The following KCNJ10 variants were observed in gnomAD, a reference collection of about 807,000 sequenced individuals.
KCNJ10 encodes potassium inwardly rectifying channel subfamily J member 10.
KCNJ10 carries 9 observed loss-of-function variants against 22.2 expected under a neutral mutation model. That is an observed-to-expected ratio of 0.40 (90% CI 0.24 to 0.71). KCNJ10 has a LOEUF of 0.71. KCNJ10 is among the 30% of genes least tolerant of loss of function. The pLI is 0.35. For synonymous variants in KCNJ10, 184 were observed against 187.3 expected (o/e 0.98, Z 0.15); for missense variants, 337 against 482.7 (o/e 0.70, Z 2.83).
chr1:160,058,375 C>T (rs1164872808), intron 1 of KCNJ10, among the ~76,000 whole-genome samples: 3 of 152,180 alleles, frequency 2.0e-5, no homozygotes, highest in Non-Finnish European at 4.4e-5. Context: ...AACTGAGGCC[C>T]ACTGTGGGAG....
At chr1:160,054,966 A>G (rs1402351535) in intron 1 of KCNJ10, among the ~76,000 whole-genome samples, 1 of 152,126 alleles carries the variant, frequency 6.6e-6, no homozygotes, top group African/African-American at 2.4e-5. Context: ...TCTCCACCCC[A>G]TGCGGAAGAC....
At chr1:160,063,842 G>C (rs970853220) in intron 1 of KCNJ10, among the ~76,000 whole-genome samples, 4 of 152,254 alleles carry the variant, frequency 2.6e-5, no homozygotes, top group Admixed American at 6.5e-5. Flanking sequence ...TCAGGGGCAA[G>C]GCTCCGGAAT....
Position 160,042,426 on chromosome 1 carries a change from C to A in KCNJ10, c.107G>T (p.Arg36Leu), listed in dbSNP as rs779913708. ...RRRRVLTKDG[R>L]SNVRMEHIAD... ...AATGTGCTCCATTCTCACGTTGCTG[C>A]GACCATCTTTTGTCAGGACTCTCCG... The change falls in exon 2 of 2, where the codon CGC becomes CTC. Residue 36 changes from arginine to leucine, a missense_variant. This residue lies in a region of KCNJ10 where 107 missense variants were observed against 135.2 expected (regional missense o/e 0.79). Coordinates refer to ENST00000644903, the MANE Select transcript of KCNJ10 (RefSeq NM_002241.5). 1 of 1,614,198 alleles carries A rather than the reference C, an allele frequency of 6.2e-7. No individual in the cohort carries two copies. Among genetic ancestry groups the A allele is most frequent in the South Asian group, 1.1e-5 (1 of 91,076 alleles).
intron 1 of KCNJ10, among the ~76,000 whole-genome samples, chr1:160,066,647 A>G (rs1237460127): frequency 6.6e-6 from 1 of 152,190 alleles, no homozygotes; most frequent in African/African-American, 2.4e-5. Context: ...CCACAAAGTC[A>G]GACTCCAAGG....
intron 1 of KCNJ10, among the ~76,000 whole-genome samples, chr1:160,045,773 T>C (rs1462518340): frequency 1.3e-5 from 2 of 152,176 alleles, no homozygotes; most frequent in Non-Finnish European, 2.9e-5. Context: ...GGGAAGTTGA[T>C]TCAGGAGAAG....
rs552035856 is a variant in KCNJ10 at position 160,047,124 on chromosome 1, C to G, written c.1-4592G>C. 1.1e-4 allele frequency among the ~76,000 whole-genome samples: 16 copies of G among 152,264 alleles called. No homozygotes were observed. The South Asian group carries it at 3.3e-3, about 32-fold the overall frequency. Reference sequence around the variant, plus strand: ...CTGAAGCTGTCTTTTTTTGCCTGTGCACTCATTTATTTTACTTGAGAGTCA... The same window carrying G: ...CTGAAGCTGTCTTTTTTTGCCTGTGGACTCATTTATTTTACTTGAGAGTCA... On this transcript the variant is annotated intron_variant, in intron 1 of 1. Transcript: ENST00000644903.
intron 1 of KCNJ10, among the ~76,000 whole-genome samples, chr1:160,060,884 C>G (rs1268416431): frequency 1.3e-5 from 2 of 152,198 alleles, no homozygotes. Context: ...ATCCCCAACT[C>G]CAAACCCTAG....
chr1:160,052,154 TG>T (rs774914190), intron 1 of KCNJ10, among the ~76,000 whole-genome samples: 8 of 152,354 alleles, frequency 5.3e-5, no homozygotes, highest in Non-Finnish European at 7.3e-5. Context: ...AAGAGCCTTT[TG>T]ATTGAGGGAT....
intron 1 of KCNJ10, among the ~76,000 whole-genome samples, chr1:160,062,209 C>T (rs372724893): frequency 9.6e-4 from 146 of 152,188 alleles, no homozygotes; most frequent in African/African-American, 3.4e-3. Flanking sequence ...TCCCCCCTGG[C>T]CCAGGGCCCA....
rs1648572247 is a variant in KCNJ10 at position 160,040,275 on chromosome 1, A to G, written c.*1118T>C. 2.8e-6 allele frequency: 1 copy of G among 354,602 alleles called. No homozygotes were observed. The highest frequency in any genetic ancestry group is 2.1e-5 in the African/African-American group (1 of 47,806). 22.0% of individuals were successfully genotyped at this position (354,602 alleles called of 1,614,324 possible). A position where few individuals can be genotyped will look rare whatever the true frequency, so the allele number is the denominator to read the frequency against. On this transcript the variant is annotated 3_prime_UTR_variant, in exon 2 of 2. Coordinates refer to ENST00000644903, the MANE Select transcript of KCNJ10 (RefSeq NM_002241.5). ...TCAGAGGCTCTGTACAGCAGTTTGGAAATCTGAGAATTTACCCATCCCTCA... is the reference window on the plus strand; with the variant it reads ...TCAGAGGCTCTGTACAGCAGTTTGGGAATCTGAGAATTTACCCATCCCTCA...
At chr1:160,063,041 A>T (rs1220979289) in intron 1 of KCNJ10, among the ~76,000 whole-genome samples, 1 of 152,150 alleles carries the variant, frequency 6.6e-6, no homozygotes, top group African/African-American at 2.4e-5. Context: ...ATTTGACTGA[A>T]GGGCCAATGA....
intron 1 of KCNJ10, among the ~76,000 whole-genome samples, chr1:160,068,823 C>T (rs532117924): frequency 1.3e-5 from 2 of 152,216 alleles, no homozygotes; most frequent in Non-Finnish European, 2.9e-5. Context: ...TCACTGGTGG[C>T]TGCCCACCCC....
Position 160,041,440 on chromosome 1 carries a change from C to A in KCNJ10, c.1093G>T (p.Ala365Ser). ...LKLEESLREQ[A>S]EKEGSALSVR... ...CTAAGGGCACTGCCCTCCTTCTCAG[C>A]TTGCTCCCTTAATGACTCCTCCAAC... Residue 365 changes from alanine (A) to serine (S), a missense_variant, in exon 2 of 2, where the codon GCT becomes TCT. By Grantham distance (99) the Ala-to-Ser change is moderately conservative. Coordinates refer to ENST00000644903, the MANE Select transcript of KCNJ10 (RefSeq NM_002241.5). This position sits in a 1 kb window ranked among gnomAD's most constrained non-coding sequence, Gnocchi z 4.4. 1 of 1,614,012 alleles carries A rather than the reference C, an allele frequency of 6.2e-7. No individual in the cohort carries two copies. Among genetic ancestry groups the A allele is most frequent in the Non-Finnish European group, 8.5e-7 (1 of 1,180,000 alleles).
chr1:160,057,486 T>C (rs1179356907), intron 1 of KCNJ10, among the ~76,000 whole-genome samples: 1 of 152,102 alleles, frequency 6.6e-6, no homozygotes, highest in Non-Finnish European at 1.5e-5. Flanking sequence ...CTATAATTCC[T>C]CCAAAACCCT....
intron 1 of KCNJ10, among the ~76,000 whole-genome samples, chr1:160,062,894 C>G (rs1649236117): frequency 6.6e-6 from 1 of 152,128 alleles, no homozygotes; most frequent in South Asian, 2.1e-4. Flanking sequence ...AGATCTCCAC[C>G]TGCTCTGGTT....
rs778433633 is a variant in KCNJ10, at chr1:160,042,576, C to T, written c.1-44G>A. The T allele has an allele frequency of 1.7e-5, 27 of 1,546,128 alleles. No individual in the cohort carries two copies. In the Middle Eastern group the frequency reaches 1.7e-3, roughly 96 times the overall value. ...CATAATGGAGGTTATCGTAGAAATC[C>T]AGCTGACTCCTAACCCTCACCCCAT... is the stretch of plus-strand genomic sequence containing the variant. On this transcript the variant is annotated intron_variant, in intron 1 of 1. Coordinates refer to ENST00000644903, the MANE Select transcript of KCNJ10 (RefSeq NM_002241.5).
intron 1 of KCNJ10, among the ~76,000 whole-genome samples, chr1:160,055,830 C>T (rs577776446): frequency 9.7e-4 from 147 of 152,310 alleles, no homozygotes; most frequent in African/African-American, 3.5e-3. Flanking sequence ...TCTTGACTCT[C>T]ATCCTTGATC....
Position 160,042,063 on chromosome 1 carries a change from A to G in KCNJ10, c.470T>C (p.Leu157Pro). Residue 157 changes from leucine (L) to proline (P), a missense_variant, in exon 2 of 2, where the codon CTG (leucine) becomes CCG (proline). Around this residue, in one of 3 missense-constraint regions of KCNJ10, gnomAD observed 165 missense variants for 281.5 expected, o/e 0.59. Coordinates refer to ENST00000644903, the MANE Select transcript of KCNJ10 (RefSeq NM_002241.5). ...LIAQLVLTTILEIFITGTFLA... is the reference protein window; with the variant it reads ...LIAQLVLTTIPEIFITGTFLA... Reference sequence around the variant, plus strand: ...GAAGGTACCTGTGATGAAGATTTCCAGGATGGTGGTGAGCACCAGCTGGGC... The same window carrying G: ...GAAGGTACCTGTGATGAAGATTTCCGGGATGGTGGTGAGCACCAGCTGGGC... The G allele has an allele frequency of 1.3e-6, 2 of 1,553,620 alleles. No homozygotes were observed. The highest frequency in any genetic ancestry group is 1.7e-6 in the Non-Finnish European group (2 of 1,149,452).
At chr1:160,067,748 C>T (rs772276555) in intron 1 of KCNJ10, among the ~76,000 whole-genome samples, 9 of 152,272 alleles carry the variant, frequency 5.9e-5, no homozygotes, top group Non-Finnish European at 1.0e-4. Flanking sequence ...CCAGGAGGCT[C>T]GGCCTATCTT....
Sources: allele counts gnomAD v4.1 joint callset (sites outside exome capture counted in the v4.1 genomes callset), GRCh38; gene constraint gnomAD v4.1.1; regional missense constraint gnomAD v4.1.1; non-coding constraint Gnocchi (gnomAD v3.1); transcripts MANE v1.5; gene names NCBI Gene and HGNC (gene_info 2026-07-23, HGNC 2026-07-21).